Variants in GNG4 observed in about 807,000 individuals in gnomAD.
The protein encoded by GNG4 is G protein subunit gamma 4.
A neutral mutation model predicts 5.8 loss-of-function variants in GNG4; 4 were observed. The ratio of observed to expected loss-of-function variants is 0.69; its 90% CI spans 0.34 to 1.57. The LOEUF (loss-of-function observed/expected upper bound fraction) is 1.57. Among genes scored for constraint, GNG4 ranks in the 40% most tolerant of loss-of-function variants. The pLI, the probability that GNG4 is intolerant of heterozygous loss-of-function variation, is 0.06. For missense variants in GNG4, 96 were observed against 95.1 expected (o/e 1.01, Z -0.04); for synonymous variants, 29 against 32.9 (o/e 0.88, Z 0.41).
intron 3 of GNG4, among the ~76,000 whole-genome samples, chr1:235,568,154 TGC>T (rs1687245797): frequency 1.3e-5 from 1 of 79,084 alleles, no homozygotes; most frequent in African/African-American, 1.0e-4. Context: ...CTAATAAATC[TGC>T]TTTTTTTTTT....
chr1:235,576,255 G>C (rs971299059), intron 3 of GNG4, among the ~76,000 whole-genome samples: 2 of 151,764 alleles, frequency 1.3e-5, no homozygotes, highest in South Asian at 2.1e-4. Flanking sequence ...AGTAGGGAGG[G>C]GTTTCACCAT....
chr1:235,547,892 C>G lies in GNG4; in HGVS notation c.*4217G>C, dbSNP rs933350111. On this transcript the variant is annotated 3_prime_UTR_variant, in exon 4 of 4. Coordinates refer to ENST00000391854, the MANE Select transcript of GNG4 (RefSeq NM_001098722.2). ...CTTAGGACTGATCTCTACTTGCAACCGCATGGATGAATTTTGCTGGGTTTT... is the reference window on the plus strand; with the variant it reads ...CTTAGGACTGATCTCTACTTGCAACGGCATGGATGAATTTTGCTGGGTTTT... The G allele has an allele frequency of 6.6e-6, 1 of 152,128 alleles. No individual in the cohort carries two copies. The highest frequency in any genetic ancestry group is 6.6e-5 in the Admixed American group (1 of 15,256). The allele number at this position is 152,128 out of a possible 1,614,324, so 9.4% of individuals were successfully genotyped here.
At chr1:235,557,316 G>A (rs1293126830) in intron 3 of GNG4, among the ~76,000 whole-genome samples, 3 of 152,084 alleles carry the variant, frequency 2.0e-5, no homozygotes, top group Non-Finnish European at 4.4e-5. Context: ...GTGCACACGA[G>A]GAGAGATCCT....
rs895813525 is a variant in GNG4 at position 235,619,159 on chromosome 1, T to TTATA, written c.-122-23652_-122-23649dup. Among the ~76,000 whole-genome samples, 268 of 100,224 alleles carry TTATA rather than the reference T, an allele frequency of 2.7e-3. 1 individual carries two copies. Among genetic ancestry groups the TTATA allele is most frequent in the Middle Eastern group, 5.3e-3 (1 of 188 alleles). The allele number at this position is 100,224 out of a possible 152,430, so 65.8% of individuals were successfully genotyped here. A position where few individuals can be genotyped will look rare whatever the true frequency, so the allele number is the denominator to read the frequency against. On this transcript the variant is annotated intron_variant, in intron 1 of 3. Transcript: ENST00000391854. ...AAAAAAAAAAAAAAAAAAAAAAAAT[T>TTATA]TATATATATATATATATACACACAC...
At chr1:235,630,846 A>G (rs1688918016) in intron 1 of GNG4, among the ~76,000 whole-genome samples, 1 of 152,168 alleles carries the variant, frequency 6.6e-6, no homozygotes, top group Non-Finnish European at 1.5e-5. Flanking sequence ...CAATGTCAAC[A>G]GTAAAATGAA....
In GNG4 at chr1:235,557,894, C is replaced by T. The variant is rs190910275; in HGVS notation, c.100-5657G>A. Among the ~76,000 whole-genome samples the T allele has an allele frequency of 6.2e-4, 94 of 152,300 alleles. 2 individuals carry two copies. Among genetic ancestry groups the T allele is most frequent in the Middle Eastern group, 3.4e-3 (1 of 294 alleles). ...TGTCTGCAACACCCTAACAATTATG[C>T]TATTAATGGTCTGGCCTTGCCAGGT... On this transcript the variant is annotated intron_variant, in intron 3 of 3. Coordinates refer to ENST00000391854, the MANE Select transcript of GNG4 (RefSeq NM_001098722.2).
chr1:235,623,132 T>A (rs1025751138), intron 1 of GNG4, among the ~76,000 whole-genome samples: 1 of 152,122 alleles, frequency 6.6e-6, no homozygotes, highest in Admixed American at 6.6e-5. Flanking sequence ...AAGGGCACCT[T>A]TTCCTGTTTC....
chr1:235,608,449 T>C (rs1688408768), intron 1 of GNG4, among the ~76,000 whole-genome samples: 1 of 152,200 alleles, frequency 6.6e-6, no homozygotes, highest in Non-Finnish European at 1.5e-5. Context: ...ACCAACACTA[T>C]TTAGTTCCAA....
intron 2 of GNG4, among the ~76,000 whole-genome samples, chr1:235,595,172 T>C (rs1688094854): frequency 6.6e-6 from 1 of 152,020 alleles, no homozygotes; most frequent in South Asian, 2.1e-4. Flanking sequence ...TCCATTCACA[T>C]AGGGGATAAC....
chr1:235,585,075 G>C (rs1687726299), intron 2 of GNG4, among the ~76,000 whole-genome samples: 1 of 152,022 alleles, frequency 6.6e-6, no homozygotes, highest in Admixed American at 6.6e-5. Flanking sequence ...CTGGACTCCA[G>C]TCTATTCTTT....
intron 3 of GNG4, 39 bp from the exon 4 acceptor site, chr1:235,552,276 C>T: frequency 6.2e-7 from 1 of 1,605,948 alleles, no homozygotes. Context: ...GTTAAAGGCC[C>T]CTTTGCAGAG....
At chr1:235,610,228 T>C (rs1220084285) in intron 1 of GNG4, among the ~76,000 whole-genome samples, 2 of 152,180 alleles carry the variant, frequency 1.3e-5, no homozygotes, top group African/African-American at 4.8e-5. Context: ...TCGGGCTTCT[T>C]TTCTGTCTCC....
chr1:235,644,543 T>C lies in GNG4; in HGVS notation c.-123+5119A>G, dbSNP rs1196261865. 6.6e-6 allele frequency among the ~76,000 whole-genome samples: 1 copy of C among 152,200 alleles called. No homozygotes were observed. Among genetic ancestry groups the C allele is most frequent in the African/African-American group, 2.4e-5 (1 of 41,454 alleles). The stretch of plus-strand genomic sequence containing the variant: ...AGTCATCAGGTCTCCTTAACCAGGC[T>C]GCAGTCCCCTAGTACCCTGCCATGC... On this transcript the variant is annotated intron_variant, in intron 1 of 3. Transcript: ENST00000391854. The surrounding 1 kb of genome is among the most constrained non-coding windows in gnomAD (Gnocchi z 5.9).
At chr1:235,621,975 C>T (rs1688721647) in intron 1 of GNG4, among the ~76,000 whole-genome samples, 1 of 152,136 alleles carries the variant, frequency 6.6e-6, no homozygotes, top group African/African-American at 2.4e-5. Flanking sequence ...CCGCACCTGG[C>T]CTCCAGCACA....
At chr1:235,593,600 C>T (rs552213258) in intron 2 of GNG4, among the ~76,000 whole-genome samples, 21 of 152,310 alleles carry the variant, frequency 1.4e-4, no homozygotes, top group African/African-American at 4.6e-4. Context: ...TTACAATTCT[C>T]AATTCTTAAA....
intron 3 of GNG4, among the ~76,000 whole-genome samples, chr1:235,575,502 T>C (rs1159135032): frequency 6.6e-6 from 1 of 152,192 alleles, no homozygotes; most frequent in Non-Finnish European, 1.5e-5. Flanking sequence ...CAACAATATA[T>C]TGATCTGTCA....
intron 2 of GNG4, among the ~76,000 whole-genome samples, chr1:235,590,134 C>T (rs984848590): frequency 2.0e-5 from 3 of 152,322 alleles, no homozygotes; most frequent in Non-Finnish European, 4.4e-5. Context: ...AGTCTTCCCT[C>T]CCTGCAATCT....
At chr1:235,555,449 T>C (rs953022078) in intron 3 of GNG4, among the ~76,000 whole-genome samples, 2 of 152,186 alleles carry the variant, frequency 1.3e-5, no homozygotes, top group Non-Finnish European at 2.9e-5. Flanking sequence ...ATGCATCAGA[T>C]GTATTATGTC....
chr1:235,591,971 G>T (rs888577858), intron 2 of GNG4, among the ~76,000 whole-genome samples: 3 of 152,208 alleles, frequency 2.0e-5, no homozygotes, highest in South Asian at 4.1e-4. Flanking sequence ...CACCAAGTTA[G>T]CCCTGAGAAG....
Sources: allele counts gnomAD v4.1 joint callset (sites outside exome capture counted in the v4.1 genomes callset), GRCh38; gene constraint gnomAD v4.1.1; non-coding constraint Gnocchi (gnomAD v3.1); transcripts MANE v1.5; gene names NCBI Gene and HGNC (gene_info 2026-07-23, HGNC 2026-07-21).